ARHGEF12: variants seen among roughly 807,000 people sequenced by gnomAD.
ARHGEF12 encodes the protein KMT2A/ARHGEF12 fusion protein.
Under a neutral mutation model 211.2 loss-of-function variants are expected in ARHGEF12, and 66 were observed. That is an observed-to-expected ratio of 0.31 (90% CI 0.26 to 0.38). The LOEUF (loss-of-function observed/expected upper bound fraction) is 0.38, where lower values mean the gene tolerates loss of function less well. ARHGEF12 is among the 10% of genes least tolerant of loss of function. ARHGEF12 has a pLI of 1.00. For missense variants in ARHGEF12, 1,429 were observed against 1,869.5 expected (o/e 0.76, Z 4.34); for synonymous variants, 592 against 638.4 (o/e 0.93, Z 1.09).
At chr11:120,337,685 T>G in intron 1 of ARHGEF12, 3 of 985,416 alleles carry the variant, frequency 3.0e-6, no homozygotes, top group Non-Finnish European at 3.6e-6. Flanking sequence ...ACAATTACAT[T>G]TTAGGAATTT....
intron 1 of ARHGEF12, among the ~76,000 whole-genome samples, chr11:120,376,915 A>G (rs1259782173): frequency 6.6e-6 from 1 of 152,142 alleles, no homozygotes; most frequent in Admixed American, 6.5e-5. Flanking sequence ...TGTCTGGCCT[A>G]TTTCACTTAA....
chr11:120,482,994 G>C (rs1018655640), intron 39 of ARHGEF12, among the ~76,000 whole-genome samples: 1 of 152,002 alleles, frequency 6.6e-6, no homozygotes, highest in South Asian at 2.1e-4. Flanking sequence ...AGGACAGGTC[G>C]GTTCTTATAT....
chr11:120,454,721 A>G (rs1428823842), intron 22 of ARHGEF12, among the ~76,000 whole-genome samples: 1 of 152,236 alleles, frequency 6.6e-6, no homozygotes, highest in Admixed American at 6.5e-5. Context: ...TGTTGGCAGG[A>G]GGCCTTAGCT....
rs771819174 is a variant in ARHGEF12, at chr11:120,379,833, CTTTTTA to C, written c.33-26281_33-26276del. On this transcript the variant is annotated intron_variant, in intron 1 of 40. Transcript: ENST00000397843. ...TCTTTATTATGTATTATGTATTATT[CTTTTTA>C]TTTATTGATAGATTTGGTTTACTAA... 7.2e-5 allele frequency among the ~76,000 whole-genome samples: 11 copies of C among 152,012 alleles called. No individual in the cohort carries two copies. The East Asian group carries it at 2.1e-3, about 29-fold the overall frequency.
chr11:120,440,095 A>C lies in ARHGEF12; in HGVS notation c.1000-34A>C, dbSNP rs371401312. ...CTTTTTCTAAATTTGACCACCAGGT[A>C]ATTTTTCTGTTTCTTTTCCCTGAAT... On this transcript the variant is annotated intron_variant, in intron 12 of 40. Transcript: ENST00000397843. The C allele has an allele frequency of 7.9e-5, 117 of 1,489,452 alleles. 2 individuals are homozygous for C. In the Middle Eastern group the frequency reaches 5.2e-3, roughly 66 times the overall value. The allele number at this position is 1,489,452 out of a possible 1,614,324, so 92.3% of individuals were successfully genotyped here.
At chr11:120,385,252 G>C in intron 1 of ARHGEF12, 1 of 974,984 alleles carries the variant, frequency 1.0e-6, no homozygotes, top group Non-Finnish European at 1.2e-6. Context: ...GGCTTCGAAT[G>C]ATGATGGTAG....
intron 1 of ARHGEF12, among the ~76,000 whole-genome samples, chr11:120,394,030 C>T: frequency 6.6e-6 from 1 of 151,428 alleles, no homozygotes; most frequent in East Asian, 1.9e-4. Context: ...GGAAAGTTTC[C>T]AAATATTGGA....
intron 7 of ARHGEF12, among the ~76,000 whole-genome samples, chr11:120,427,541 A>T (rs908726082): frequency 1.3e-5 from 2 of 151,818 alleles, no homozygotes; most frequent in African/African-American, 4.8e-5. Context: ...TATCTTTAAA[A>T]AAAAAAAACA....
chr11:120,393,184 C>G (rs1358642687), intron 1 of ARHGEF12, among the ~76,000 whole-genome samples: 2 of 151,788 alleles, frequency 1.3e-5, no homozygotes, highest in Admixed American at 1.3e-4. Flanking sequence ...TCCTTGCCTT[C>G]AAATAATTTA....
At chr11:120,461,474 G>A (rs1344771594) in intron 27 of ARHGEF12, among the ~76,000 whole-genome samples, 2 of 152,020 alleles carry the variant, frequency 1.3e-5, no homozygotes, top group Non-Finnish European at 2.9e-5. Context: ...TTCATTTATA[G>A]AGCACAGACA....
intron 6 of ARHGEF12, 31 bp downstream of exon 6, chr11:120,421,883 T>G: frequency 5.2e-5 from 81 of 1,571,006 alleles, no homozygotes; most frequent in Non-Finnish European, 6.4e-5. Flanking sequence ...GAATTTACGG[T>G]AGGATTAAAA....
chr11:120,353,120 GT>G (rs1187015370), intron 1 of ARHGEF12, among the ~76,000 whole-genome samples: 1 of 152,196 alleles, frequency 6.6e-6, no homozygotes, highest in Non-Finnish European at 1.5e-5. Flanking sequence ...AATTTCAGAA[GT>G]TTTGGTCTAT....
intron 1 of ARHGEF12, among the ~76,000 whole-genome samples, chr11:120,364,918 C>G (rs958131196): frequency 6.7e-6 from 1 of 149,782 alleles, no homozygotes; most frequent in African/African-American, 2.5e-5. Flanking sequence ...TCTCAAGTAG[C>G]TGATACTACA....
intron 31 of ARHGEF12, among the ~76,000 whole-genome samples, chr11:120,473,857 T>A (rs1946949460): frequency 6.6e-6 from 1 of 152,244 alleles, no homozygotes; most frequent in African/African-American, 2.4e-5. Context: ...CCACTTCTAG[T>A]ATGTGGGCTT....
intron 28 of ARHGEF12, among the ~76,000 whole-genome samples, chr11:120,465,954 G>T (rs979640693): frequency 6.6e-6 from 1 of 152,228 alleles, no homozygotes; most frequent in African/African-American, 2.4e-5. Flanking sequence ...GTCAAAGCAT[G>T]AGAATGGGTT....
At chr11:120,360,998 T>A (rs1397103423) in intron 1 of ARHGEF12, among the ~76,000 whole-genome samples, 1 of 152,222 alleles carries the variant, frequency 6.6e-6, no homozygotes, top group Non-Finnish European at 1.5e-5. Context: ...GACAATTCCA[T>A]TTTTAAATTT....
chr11:120,377,850 A>G (rs570574668), intron 1 of ARHGEF12, among the ~76,000 whole-genome samples: 2 of 152,264 alleles, frequency 1.3e-5, no homozygotes, highest in Admixed American at 6.5e-5. Context: ...TGTGTGGCAT[A>G]TATTTTTCTT....
intron 1 of ARHGEF12, among the ~76,000 whole-genome samples, chr11:120,351,003 A>T (rs1312644426): frequency 6.6e-6 from 1 of 152,168 alleles, no homozygotes; most frequent in Admixed American, 6.5e-5. Flanking sequence ...CTAATATTTT[A>T]GACTTTGAAA....
At position 120,485,086 on chromosome 11, in the gene ARHGEF12, G is replaced by GA; in HGVS notation, c.*9_*10insA. Reference sequence around the variant, plus strand: ...TCTCAGATAAAAGTTAGAGCCGCATGTCCTGGAGGTGACTGCAGGTTGTTG... The same window carrying GA: ...TCTCAGATAAAAGTTAGAGCCGCATGATCCTGGAGGTGACTGCAGGTTGTTG... On this transcript the variant is annotated 3_prime_UTR_variant, in exon 41 of 41. Transcript: ENST00000397843. 6.2e-7 allele frequency: 1 copy of GA among 1,613,580 alleles called. No individual in the cohort carries two copies. The highest frequency in any genetic ancestry group is 1.1e-5 in the South Asian group (1 of 91,026).
Sources: allele counts gnomAD v4.1 joint callset (sites outside exome capture counted in the v4.1 genomes callset), GRCh38; gene constraint gnomAD v4.1.1; transcripts MANE v1.5; gene names NCBI Gene and HGNC (gene_info 2026-07-23, HGNC 2026-07-21).